Variants in CASC3 observed in about 807,000 individuals in gnomAD.
CASC3 encodes the protein protein CASC3.
A neutral mutation model predicts 80.5 loss-of-function variants in CASC3; 30 were observed. The observed-to-expected ratio is 0.37, with a 90% confidence interval of 0.28 to 0.51. The LOEUF (loss-of-function observed/expected upper bound fraction) is 0.51, where lower values mean the gene tolerates loss of function less well. CASC3 is among the 20% of genes least tolerant of loss of function. The pLI is 0.94. For synonymous variants in CASC3, 312 were observed against 333.6 expected (o/e 0.94, Z 0.70); for missense variants, 824 against 922.2 (o/e 0.89, Z 1.38).
chr17:40,152,856 A>G lies in CASC3; in HGVS notation c.298-8897A>G, dbSNP rs189987858. On this transcript the variant is annotated intron_variant, in intron 3 of 13. Transcript: ENST00000264645. ...CAGTGTTACAATCTCGGCTCACTGC[A>G]GTCTCTGCCTCCCAGGTTCAAGCAA... 4.1e-3 allele frequency among the ~76,000 whole-genome samples: 617 copies of G among 152,242 alleles called. 7 individuals are homozygous for G. Among genetic ancestry groups the G allele is most frequent in the African/African-American group, 0.013 (532 of 41,544 alleles).
rs889742814 is a variant in CASC3, at chr17:40,156,876, C to CA, written c.298-4869dup. On this transcript the variant is annotated intron_variant, in intron 3 of 13. Transcript: ENST00000264645. ...ACAAGAAAGCAAGACCCTGTCTCTACAAAAAAAAGGACAAAAATTAGCTGG... is the reference window on the plus strand; with the variant it reads ...ACAAGAAAGCAAGACCCTGTCTCTACAAAAAAAAAGGACAAAAATTAGCTGG... 5.3e-5 allele frequency among the ~76,000 whole-genome samples: 8 copies of CA among 150,986 alleles called. No homozygotes were observed. In the East Asian group the frequency reaches 5.9e-4, roughly 11 times the overall value.
intron 11 of CASC3, 197 bp downstream of exon 11, chr17:40,168,614 G>GT (rs1214303456): frequency 1.0e-5 from 6 of 574,898 alleles, no homozygotes; most frequent in Non-Finnish European, 1.5e-5. Context: ...ATTCTTTTCA[G>GT]TTTTTTTCTC....
In CASC3 at chr17:40,165,540, TAGA is replaced by T. The variant is rs200939801; in HGVS notation, c.1472-1250_1472-1248del. 1.6e-4 allele frequency among the ~76,000 whole-genome samples: 25 copies of T among 152,182 alleles called. No homozygotes were observed. In the East Asian group the frequency reaches 1.7e-3, roughly 11 times the overall value. On this transcript the variant is annotated intron_variant, in intron 7 of 13. Coordinates refer to ENST00000264645, the MANE Select transcript of CASC3 (RefSeq NM_007359.5). ...GTACAGGATCATTTTCCACAAAAAG[TAGA>T]AGAAGACAACGTTATTATTTGAACT...
chr17:40,160,519 A>G (rs866596218), intron 3 of CASC3, among the ~76,000 whole-genome samples: 8 of 152,112 alleles, frequency 5.3e-5, no homozygotes, highest in African/African-American at 1.9e-4. Context: ...AAGATAATTC[A>G]TGGAGAGAGA....
At chr17:40,153,794 C>T (rs902933338) in intron 3 of CASC3, among the ~76,000 whole-genome samples, 28 of 151,286 alleles carry the variant, frequency 1.9e-4, no homozygotes, top group Non-Finnish European at 3.5e-4. Context: ...TTTTTTTTGG[C>T]GGGGCACGGT....
chr17:40,158,007 G>T (rs1203066248), intron 3 of CASC3, among the ~76,000 whole-genome samples: 4 of 152,068 alleles, frequency 2.6e-5, no homozygotes, highest in Non-Finnish European at 5.9e-5. Context: ...TGCTGCCTTG[G>T]GTGACAGAGG....
chr17:40,143,026 G>A (rs972219250), intron 3 of CASC3, among the ~76,000 whole-genome samples: 1 of 151,852 alleles, frequency 6.6e-6, no homozygotes, highest in East Asian at 1.9e-4. Context: ...GATGGAGGTG[G>A]CAGTGAGCTG....
intron 3 of CASC3, among the ~76,000 whole-genome samples, chr17:40,152,162 G>T (rs1989027142): frequency 6.6e-6 from 1 of 152,112 alleles, no homozygotes; most frequent in African/African-American, 2.4e-5. Flanking sequence ...TTTAAAAAGA[G>T]ACAGAACCTT....
At chr17:40,150,058 C>T (rs972934991) in intron 3 of CASC3, among the ~76,000 whole-genome samples, 12 of 151,798 alleles carry the variant, frequency 7.9e-5, no homozygotes, top group African/African-American at 2.9e-4. Flanking sequence ...AGTTAGCGTT[C>T]CTTTCTGTGT....
chr17:40,159,544 G>GT (rs368113645), intron 3 of CASC3, among the ~76,000 whole-genome samples: 4,305 of 112,804 alleles, frequency 0.038, 225 homozygotes, highest in East Asian at 0.18. Context: ...TTCATTGTGT[G>GT]TTTTTTTTTT....
chr17:40,145,747 T>G (rs1282800041), intron 3 of CASC3, among the ~76,000 whole-genome samples: 1 of 151,992 alleles, frequency 6.6e-6, no homozygotes, highest in African/African-American at 2.4e-5. Flanking sequence ...GCGATTGGAT[T>G]TATTTATTCA....
At chr17:40,160,076 T>A (rs1989254896) in intron 3 of CASC3, among the ~76,000 whole-genome samples, 1 of 152,092 alleles carries the variant, frequency 6.6e-6, no homozygotes, top group Non-Finnish European at 1.5e-5. Context: ...CCATGAAAAT[T>A]TTTAGATCCT....
intron 8 of CASC3, 98 bp downstream of exon 8, chr17:40,166,959 CTT>C (rs1989465366): frequency 1.2e-6 from 1 of 852,926 alleles, no homozygotes; most frequent in Non-Finnish European, 1.8e-6. Flanking sequence ...TTTTTCTTTT[CTT>C]TCTTTCTTTT....
At position 40,166,816 on chromosome 17, in the gene CASC3, C is replaced by T. The variant is rs1292568104; in HGVS notation, c.1491C>T (p.His497=). 4.4e-6 allele frequency: 7 copies of T among 1,603,790 alleles called. No individual in the cohort carries two copies. The highest frequency in any genetic ancestry group is 5.1e-6 in the Non-Finnish European group (6 of 1,176,698). ...TTACAGGTATGCCCAACCATATACACATGGGAGCAGGACCTCCACCTCAGT... is the reference window on the plus strand; with the variant it reads ...TTACAGGTATGCCCAACCATATACATATGGGAGCAGGACCTCCACCTCAGT... ...RELRGMPNHI[H]MGAGPPPQFN... Residue 497 remains histidine, a synonymous_variant, in exon 8 of 14, where the codon CAC becomes CAT. Transcript: ENST00000264645.
At chr17:40,150,415 CGTGT>C (rs10545573) in intron 3 of CASC3, among the ~76,000 whole-genome samples, 36,506 of 148,296 alleles carry the variant, frequency 0.25, 4,440 homozygotes, top group East Asian at 0.31. Context: ...AGAGTGTGTG[CGTGT>C]GTGTGTGTGT....
At chr17:40,150,683 G>A (rs929306901) in intron 3 of CASC3, among the ~76,000 whole-genome samples, 1 of 152,116 alleles carries the variant, frequency 6.6e-6, no homozygotes, top group African/African-American at 2.4e-5. Flanking sequence ...GAGACAGTAA[G>A]GAAACAACTA....
intron 3 of CASC3, among the ~76,000 whole-genome samples, chr17:40,149,830 C>A (rs1040912563): frequency 2.6e-5 from 4 of 151,248 alleles, no homozygotes; most frequent in African/African-American, 9.7e-5. Context: ...ATGGTGAAAC[C>A]CCGTCTCTAC....
intron 3 of CASC3, among the ~76,000 whole-genome samples, chr17:40,151,372 G>A (rs951414891): frequency 2.0e-5 from 3 of 152,160 alleles, no homozygotes; most frequent in African/African-American, 7.2e-5. Flanking sequence ...CCATATGCCT[G>A]CCTAATTTTT....
Position 40,169,304 on chromosome 17 carries a change from C to T in CASC3, c.1966-20C>T. On this transcript the variant is annotated intron_variant, in intron 11 of 13. Coordinates refer to ENST00000264645, the MANE Select transcript of CASC3 (RefSeq NM_007359.5). Reference sequence around the variant, plus strand: ...GAATTCATTCCTAACTTTTTCTTCTCCTGGCTTGTGGGGTCCCAGGCCCCA... The same window carrying T: ...GAATTCATTCCTAACTTTTTCTTCTTCTGGCTTGTGGGGTCCCAGGCCCCA... 1 of 1,520,188 alleles carries T rather than the reference C, an allele frequency of 6.6e-7. No individual in the cohort carries two copies. 94.2% of individuals were successfully genotyped at this position (1,520,188 alleles called of 1,614,324 possible).
Sources: allele counts gnomAD v4.1 joint callset (sites outside exome capture counted in the v4.1 genomes callset), GRCh38; gene constraint gnomAD v4.1.1; transcripts MANE v1.5; gene names NCBI Gene and HGNC (gene_info 2026-07-23, HGNC 2026-07-21).